COG7: variants seen among roughly 807,000 people sequenced by gnomAD.
COG7 encodes conserved oligomeric Golgi complex subunit 7.
A neutral mutation model predicts 91.5 loss-of-function variants in COG7; 49 were observed. The ratio of observed to expected loss-of-function variants is 0.54; its 90% CI spans 0.43 to 0.68. The LOEUF (loss-of-function observed/expected upper bound fraction) is 0.68, where lower values mean the gene tolerates loss of function less well. Among genes scored for constraint, COG7 ranks in the 30% least tolerant of loss-of-function variants. The pLI, the probability that COG7 is intolerant of heterozygous loss-of-function variation, is 0.00. For missense variants in COG7, 895 were observed against 961.3 expected (o/e 0.93, Z 0.91); for synonymous variants, 365 against 388.7 (o/e 0.94, Z 0.72).
chr16:23,437,135 T>C (rs1414964239), intron 4 of COG7, among the ~76,000 whole-genome samples: 2 of 152,188 alleles, frequency 1.3e-5, no homozygotes, highest in African/African-American at 4.8e-5. Flanking sequence ...TTTCGCCTTC[T>C]GAATCCATGT....
Position 23,445,088 on chromosome 16 carries a change from C to T in COG7, c.395G>A (p.Ser132Asn). Reference protein sequence around the residue: ...AESLQEADKWSTLSADIEETF... With the variant: ...AESLQEADKWNTLSADIEETF... The stretch of plus-strand genomic sequence containing the variant: ...CTCCTCAATATCGGCGCTCAACGTG[C>T]TCCACTTATCTGCTTCCTGAAGAGA... Residue 132 changes from serine to asparagine, a missense_variant, in exon 3 of 17, where the codon AGC becomes AAC. Ser to Asn is a conservative substitution (Grantham distance 46, BLOSUM62 1). Coordinates refer to ENST00000307149, the MANE Select transcript of COG7 (RefSeq NM_153603.4). The T allele has an allele frequency of 6.2e-7, 1 of 1,614,142 alleles. No homozygotes were observed. The highest frequency in any genetic ancestry group is 1.1e-5 in the South Asian group (1 of 91,086).
intron 6 of COG7, among the ~76,000 whole-genome samples, chr16:23,430,981 T>G (rs925038405): frequency 1.1e-4 from 17 of 151,522 alleles, no homozygotes; most frequent in South Asian, 4.2e-4. Context: ...CTGGGCAACA[T>G]AGTGAGACCC....
At chr16:23,420,900 T>C (rs1299374663) in intron 7 of COG7, among the ~76,000 whole-genome samples, 3 of 147,792 alleles carry the variant, frequency 2.0e-5, no homozygotes, top group African/African-American at 5.0e-5. Flanking sequence ...TATGCTACTA[T>C]ACCTGGCTAA....
At chr16:23,423,044 CAAAA>C (rs34598282) in intron 7 of COG7, among the ~76,000 whole-genome samples, 2 of 63,628 alleles carry the variant, frequency 3.1e-5, no homozygotes, top group African/African-American at 6.3e-5. Flanking sequence ...GTCTCTGTCT[CAAAA>C]AAAAAAAAAA....
chr16:23,434,032 C>A (rs535143007), intron 5 of COG7, among the ~76,000 whole-genome samples: 184 of 152,246 alleles, frequency 1.2e-3, no homozygotes, highest in African/African-American at 4.3e-3. Flanking sequence ...TTAAAAGACA[C>A]AGAGCACTGG....
chr16:23,434,542 G>C, intron 5 of COG7, 94 bp downstream of exon 5: 1 of 964,942 alleles, frequency 1.0e-6, no homozygotes. Flanking sequence ...GGAGACAAAT[G>C]TTCTTACCTT....
chr16:23,391,205 G>A (rs1167794513), intron 16 of COG7, among the ~76,000 whole-genome samples: 1 of 152,196 alleles, frequency 6.6e-6, no homozygotes, highest in African/African-American at 2.4e-5. Flanking sequence ...GAGCAATGCT[G>A]AATGAGTGAA....
intron 3 of COG7, 27 bp downstream of exon 3, chr16:23,445,021 A>G (rs1373692268): frequency 3.3e-6 from 5 of 1,521,096 alleles, no homozygotes; most frequent in Non-Finnish European, 3.7e-6. Flanking sequence ...AATACCTTTC[A>G]TAACATCCCC....
At chr16:23,406,809 G>A (rs1353012659) in intron 11 of COG7, among the ~76,000 whole-genome samples, 1 of 152,148 alleles carries the variant, frequency 6.6e-6, no homozygotes, top group Non-Finnish European at 1.5e-5. Context: ...TATTTTTGTG[G>A]TTTAGGTGCT....
chr16:23,445,157 A>T lies in COG7; in HGVS notation c.326T>A (p.Val109Glu). 1 of 1,613,042 alleles carries T rather than the reference A, an allele frequency of 6.2e-7. No individual in the cohort carries two copies. Among genetic ancestry groups the T allele is most frequent in the Non-Finnish European group, 8.5e-7 (1 of 1,179,036 alleles). ...QDTSQSMQVLVEIDQVKSRMQ... is the reference protein window; with the variant it reads ...QDTSQSMQVLEEIDQVKSRMQ... ...TCTGGACTTCACTTGGTCAATTTCTACCAACACCTGAAAGAGGCGTGAGGG... is the reference window on the plus strand; with the variant it reads ...TCTGGACTTCACTTGGTCAATTTCTTCCAACACCTGAAAGAGGCGTGAGGG... The change falls in exon 3 of 17, where the codon GTA becomes GAA. Residue 109 changes from valine to glutamate, a missense_variant. Coordinates refer to ENST00000307149, the MANE Select transcript of COG7 (RefSeq NM_153603.4).
intron 2 of COG7, 22 bp downstream of exon 2, chr16:23,445,791 G>A (rs1351883833): frequency 2.5e-6 from 4 of 1,612,696 alleles, no homozygotes; most frequent in African/African-American, 2.7e-5. Flanking sequence ...TTTACAACAG[G>A]AGCCAAAAGG....
At chr16:23,438,228 A>G (rs1964043215) in intron 4 of COG7, among the ~76,000 whole-genome samples, 1 of 152,190 alleles carries the variant, frequency 6.6e-6, no homozygotes, top group Admixed American at 6.6e-5. Flanking sequence ...AAGAATTTCT[A>G]CAACTCACCA....
chr16:23,444,305 G>C (rs533665984), intron 3 of COG7, among the ~76,000 whole-genome samples: 36 of 152,106 alleles, frequency 2.4e-4, no homozygotes, highest in African/African-American at 8.7e-4. Flanking sequence ...TTACAATTGA[G>C]TAAGAGTTCT....
intron 11 of COG7, among the ~76,000 whole-genome samples, chr16:23,408,452 C>T (rs1384219728): frequency 4.1e-4 from 3 of 7,362 alleles, no homozygotes; most frequent in Admixed American, 1.8e-3. Context: ...AGGCGAGTGG[C>T]GGGGGGAGGT....
intron 7 of COG7, among the ~76,000 whole-genome samples, chr16:23,420,867 C>T (rs1963743892): frequency 6.6e-6 from 1 of 151,852 alleles, no homozygotes; most frequent in Non-Finnish European, 1.5e-5. Flanking sequence ...CCCCAGCCTC[C>T]TGAGTAGCTA....
chr16:23,414,878 G>T (rs1000310875), intron 9 of COG7: 1 of 152,254 alleles, frequency 6.6e-6, no homozygotes, highest in Non-Finnish European at 1.5e-5. Flanking sequence ...ACATTTGCAT[G>T]CATCACAAGA....
At chr16:23,411,514 T>A (rs192718052) in intron 10 of COG7, among the ~76,000 whole-genome samples, 35 of 152,342 alleles carry the variant, frequency 2.3e-4, no homozygotes, top group East Asian at 9.6e-4. Flanking sequence ...TTTTTTTAAA[T>A]TTTATTTTAA....
rs1963666420 is a variant in COG7, at chr16:23,416,987, G to C, written c.1272C>G (p.Ala424=). ...NGLGTCGLLS[A]LKSLFAKYVS... is the part of the protein sequence containing the mutation. The stretch of plus-strand genomic sequence containing the variant: ...CTTACTTGGCAAAGAGGGATTTCAG[G>C]GCTGACAACAGGCCGCAGGTCCCCA... The change falls in exon 9 of 17, where the codon GCC becomes GCG. Residue 424 remains alanine (A), a synonymous_variant. Coordinates refer to ENST00000307149, the MANE Select transcript of COG7 (RefSeq NM_153603.4). 2 of 1,614,084 alleles carry C rather than the reference G, an allele frequency of 1.2e-6. No individual in the cohort carries two copies. The highest frequency in any genetic ancestry group is 1.7e-6 in the Non-Finnish European group (2 of 1,180,050).
intron 1 of COG7, among the ~76,000 whole-genome samples, chr16:23,449,063 C>A (rs972082502): frequency 6.6e-6 from 1 of 152,140 alleles, no homozygotes; most frequent in African/African-American, 2.4e-5. Flanking sequence ...TTTAATGCAA[C>A]AACTAAAAAA....
Sources: allele counts gnomAD v4.1 joint callset (sites outside exome capture counted in the v4.1 genomes callset), GRCh38; gene constraint gnomAD v4.1.1; transcripts MANE v1.5; gene names NCBI Gene and HGNC (gene_info 2026-07-23, HGNC 2026-07-21).